Variants in PHF21B observed in about 807,000 individuals in gnomAD.
PHF21B encodes the protein PHD finger protein 21B, also known as PHD finger protein 4.
PHF21B carries 22 observed loss-of-function variants against 62.2 expected under a neutral mutation model. That is an observed-to-expected ratio of 0.35 (90% CI 0.25 to 0.51). The LOEUF is 0.51. PHF21B is among the 20% of genes least tolerant of loss of function. The pLI, the probability that PHF21B is intolerant of heterozygous loss-of-function variation, is 0.97. For synonymous variants in PHF21B, 341 were observed against 314.7 expected, an observed-to-expected ratio of 1.08 and a Z score of -0.88; for missense variants, 701 against 707.9, an observed-to-expected ratio of 0.99 and a Z score of 0.11.
At chr22:44,889,993 A>G (rs1041564038) in intron 8 of PHF21B, among the ~76,000 whole-genome samples, 1 of 150,914 alleles carries the variant, frequency 6.6e-6, no homozygotes. Context: ...ACCCCAGGGC[A>G]TGATGGGAAT....
At chr22:44,929,263 A>C (rs1569234650) in intron 2 of PHF21B, among the ~76,000 whole-genome samples, 1 of 152,230 alleles carries the variant, frequency 6.6e-6, no homozygotes, top group Non-Finnish European at 1.5e-5. Context: ...CGCCTTTATC[A>C]CTGTCAGGAA....
chr22:44,950,222 C>A (rs868584338), intron 2 of PHF21B, among the ~76,000 whole-genome samples: 3 of 152,250 alleles, frequency 2.0e-5, no homozygotes, highest in Non-Finnish European at 4.4e-5. Flanking sequence ...TGCACAAAAA[C>A]AAGCATTGTT....
At chr22:44,887,042 G>A (rs992604530) in intron 10 of PHF21B, among the ~76,000 whole-genome samples, 3 of 151,622 alleles carry the variant, frequency 2.0e-5, no homozygotes, top group Non-Finnish European at 4.4e-5. Context: ...TGTAATCCCA[G>A]CTACTTGGGA....
chr22:45,007,459 G>A, intron 2 of PHF21B, among the ~76,000 whole-genome samples: 1 of 149,342 alleles, frequency 6.7e-6, no homozygotes, highest in Admixed American at 6.6e-5. Flanking sequence ...GCGCGCGGGG[G>A]CGGGCCCGGA....
At chr22:44,973,317 A>T (rs971791446) in intron 2 of PHF21B, among the ~76,000 whole-genome samples, 2 of 152,238 alleles carry the variant, frequency 1.3e-5, no homozygotes, top group Non-Finnish European at 2.9e-5. Context: ...AGATTGGCAG[A>T]TGTCAGCTCC....
intron 12 of PHF21B, among the ~76,000 whole-genome samples, chr22:44,885,025 C>T (rs766927674): frequency 2.6e-5 from 4 of 152,256 alleles, no homozygotes; most frequent in African/African-American, 9.6e-5. Context: ...CCTGAGCAGG[C>T]GCACAGCCAG....
At chr22:44,936,417 G>A (rs974463628) in intron 2 of PHF21B, among the ~76,000 whole-genome samples, 6 of 152,190 alleles carry the variant, frequency 3.9e-5, no homozygotes, top group Non-Finnish European at 8.8e-5. Context: ...CTGTATACCG[G>A]CAGCCCTGTC....
At chr22:44,937,224 ATCAAAACACACC>A (rs1047555393) in intron 2 of PHF21B, among the ~76,000 whole-genome samples, 3 of 152,212 alleles carry the variant, frequency 2.0e-5, no homozygotes, top group African/African-American at 7.2e-5. Context: ...CCATGGTAAC[ATCAAAACACACC>A]CAGACAAAAT....
At chr22:44,993,095 G>A (rs1049725525) in intron 2 of PHF21B, among the ~76,000 whole-genome samples, 3 of 152,184 alleles carry the variant, frequency 2.0e-5, no homozygotes, top group Non-Finnish European at 4.4e-5. Context: ...ACAGGGAGAA[G>A]CCACGTGAAC....
At chr22:44,977,970 A>G (rs1601670293) in intron 2 of PHF21B, among the ~76,000 whole-genome samples, 1 of 152,286 alleles carries the variant, frequency 6.6e-6, no homozygotes, top group East Asian at 1.9e-4. Context: ...CCAAGCTCCC[A>G]AGAGTCAAGG....
intron 10 of PHF21B, 53 bp downstream of exon 10, chr22:44,887,910 G>A (rs754978704): frequency 2.5e-5 from 34 of 1,374,990 alleles, no homozygotes; most frequent in Non-Finnish European, 3.1e-5. Flanking sequence ...CTCTGCCTAC[G>A]GTGGGGACCT....
chr22:44,916,684 G>C, intron 3 of PHF21B, 54 bp from the exon 4 acceptor site: 1 of 1,516,622 alleles, frequency 6.6e-7, no homozygotes, highest in Non-Finnish European at 9.0e-7. Context: ...AGGAGTGCAG[G>C]GGAGGGGCCG....
At chr22:44,991,183 G>T (rs1333255280) in intron 2 of PHF21B, among the ~76,000 whole-genome samples, 1 of 152,206 alleles carries the variant, frequency 6.6e-6, no homozygotes, top group Non-Finnish European at 1.5e-5. Flanking sequence ...TGTGCACCAA[G>T]GGGATTAAGT....
At chr22:44,941,646 G>A (rs1485842991) in intron 2 of PHF21B, among the ~76,000 whole-genome samples, 1 of 152,198 alleles carries the variant, frequency 6.6e-6, no homozygotes, top group African/African-American at 2.4e-5. Context: ...ATGGGGCAGG[G>A]GTGGACGGAG....
chr22:44,936,870 C>CTTTTTTTTTTT (rs370585353), intron 2 of PHF21B, among the ~76,000 whole-genome samples: 4 of 128,624 alleles, frequency 3.1e-5, no homozygotes, highest in African/African-American at 8.6e-5. Flanking sequence ...CACTTTCTTT[C>CTTTTTTTTTTT]TTTTTTTTTT....
chr22:44,911,250 G>A lies in PHF21B; in HGVS notation c.831+2572C>T, dbSNP rs574490575. ...CAGAAAATGTGCAGCCTGACAATGC[G>A]ATAGAAAAGAAAAATCCCATTTTCT... On this transcript the variant is annotated intron_variant, in intron 5 of 12. Coordinates refer to ENST00000313237, the MANE Select transcript of PHF21B (RefSeq NM_138415.5). 5.3e-5 allele frequency among the ~76,000 whole-genome samples: 8 copies of A among 152,288 alleles called. No individual in the cohort carries two copies. The South Asian group carries it at 6.2e-4, about 12-fold the overall frequency.
chr22:44,931,149 G>A (rs373916245), intron 2 of PHF21B, among the ~76,000 whole-genome samples: 1 of 152,174 alleles, frequency 6.6e-6, no homozygotes, highest in Non-Finnish European at 1.5e-5. Flanking sequence ...CGAATTCCTG[G>A]GCTCAAGCGA....
chr22:44,963,532 C>A (rs888274233), intron 2 of PHF21B, among the ~76,000 whole-genome samples: 1 of 152,258 alleles, frequency 6.6e-6, no homozygotes, highest in South Asian at 2.1e-4. Flanking sequence ...TCATGGTCAT[C>A]ATCATCCCCA....
chr22:44,999,043 T>A (rs1056770621), intron 2 of PHF21B, among the ~76,000 whole-genome samples: 1 of 152,094 alleles, frequency 6.6e-6, no homozygotes, highest in Non-Finnish European at 1.5e-5. Context: ...CCAGCACAAG[T>A]GCCAAGCCAA....
Sources: gnomAD v4.1 joint callset for allele counts (sites outside exome capture counted in the v4.1 genomes callset) on GRCh38, gnomAD v4.1.1 for gene constraint, MANE v1.5 for transcripts, NCBI Gene and HGNC (gene_info 2026-07-23, HGNC 2026-07-21) for gene names.